RSU1: variants seen among roughly 807,000 people sequenced by gnomAD.
The protein encoded by RSU1 is Ras suppressor protein 1.
In RSU1, 26 loss-of-function variants were observed where a neutral mutation model predicts 31.1. That is an observed-to-expected ratio of 0.84 (90% confidence interval 0.61 to 1.16). RSU1 has a LOEUF of 1.16. Ranked by LOEUF, RSU1 falls within the 50% of genes most tolerant of loss-of-function variation. The pLI is 0.00. For synonymous variants in RSU1, 164 were observed against 136.3 expected, an observed-to-expected ratio of 1.20 and a Z score of -1.41; for missense variants, 320 against 339.1, an observed-to-expected ratio of 0.94 and a Z score of 0.44.
At chr10:16,705,999 A>T (rs1205984180) in intron 7 of RSU1, among the ~76,000 whole-genome samples, 1 of 152,182 alleles carries the variant, frequency 6.6e-6, no homozygotes, top group African/African-American at 2.4e-5. Context: ...GTGGATACGA[A>T]GGGCCAAATG....
intron 8 of RSU1, among the ~76,000 whole-genome samples, chr10:16,614,258 A>G (rs1470052649): frequency 1.3e-5 from 2 of 152,234 alleles, no homozygotes; most frequent in Non-Finnish European, 2.9e-5. Flanking sequence ...TAGATGTTAA[A>G]TCAAGAACCA....
intron 8 of RSU1, among the ~76,000 whole-genome samples, chr10:16,630,028 G>A (rs1217350042): frequency 6.6e-6 from 1 of 151,998 alleles, no homozygotes; most frequent in Non-Finnish European, 1.5e-5. Context: ...CCCCAAAAAA[G>A]TATTTATGGA....
chr10:16,714,233 C>G (rs189050814), intron 7 of RSU1, among the ~76,000 whole-genome samples: 1 of 152,194 alleles, frequency 6.6e-6, no homozygotes, highest in Admixed American at 6.5e-5. Flanking sequence ...TGGTCTGATG[C>G]TGTGCCAGCT....
At chr10:16,799,947 C>T (rs1000554925) in intron 2 of RSU1, among the ~76,000 whole-genome samples, 15 of 152,118 alleles carry the variant, frequency 9.9e-5, no homozygotes, top group Non-Finnish European at 4.4e-5. Flanking sequence ...TTTCCCTTTT[C>T]CCGATGCCTT....
At chr10:16,756,797 TTGTG>T (rs1284422094) in intron 4 of RSU1, among the ~76,000 whole-genome samples, 1 of 151,884 alleles carries the variant, frequency 6.6e-6, no homozygotes, top group African/African-American at 2.4e-5. Flanking sequence ...CAAGGGTCAA[TTGTG>T]TGTGAGTGTG....
At chr10:16,683,411 TA>T (rs1352953819) in intron 8 of RSU1, among the ~76,000 whole-genome samples, 2 of 152,126 alleles carry the variant, frequency 1.3e-5, no homozygotes, top group African/African-American at 2.4e-5. Context: ...TTCATGGTAT[TA>T]AAAAATAGCC....
intron 4 of RSU1, among the ~76,000 whole-genome samples, chr10:16,761,084 TCACAGG>T (rs1837203512): frequency 1.3e-5 from 2 of 152,066 alleles, no homozygotes; most frequent in Non-Finnish European, 2.9e-5. Flanking sequence ...GTAGCTGCGA[TCACAGG>T]CACGTGCCAC....
chr10:16,784,258 T>G (rs1338879533), intron 2 of RSU1, among the ~76,000 whole-genome samples: 3 of 152,062 alleles, frequency 2.0e-5, no homozygotes, highest in Non-Finnish European at 4.4e-5. Flanking sequence ...ATTTAAATGT[T>G]TTTTTGTTTT....
In RSU1 at chr10:16,749,169, A is replaced by G. The variant is rs192943261; in HGVS notation, c.598+3370T>C. ...ATTTCTTATAGGTATATAGACTAAT[A>G]TGAAAGCAAGTGCTTTACTACTTAA... On this transcript the variant is annotated intron_variant, in intron 7 of 8. Coordinates refer to ENST00000345264, the MANE Select transcript of RSU1 (RefSeq NM_012425.4). Among the ~76,000 whole-genome samples the G allele has an allele frequency of 1.8e-4, 28 of 152,376 alleles. 1 individual carries two copies. In the East Asian group the frequency reaches 5.0e-3, roughly 27 times the overall value.
intron 7 of RSU1, among the ~76,000 whole-genome samples, chr10:16,724,623 G>T (rs1476710422): frequency 6.6e-6 from 1 of 152,212 alleles, no homozygotes; most frequent in Non-Finnish European, 1.5e-5. Context: ...AGGAGCAGAA[G>T]GGGGAATCAC....
chr10:16,696,771 T>C (rs1259094930), intron 7 of RSU1, among the ~76,000 whole-genome samples: 1 of 152,046 alleles, frequency 6.6e-6, no homozygotes, highest in East Asian at 1.9e-4. Flanking sequence ...AACCCAGGGG[T>C]GGTATGCATT....
intron 8 of RSU1, among the ~76,000 whole-genome samples, chr10:16,691,722 CTTTTTTTTTT>C (rs58786188): frequency 8.5e-5 from 9 of 106,042 alleles, no homozygotes; most frequent in South Asian, 3.4e-4. Flanking sequence ...GCTGCTGCTT[CTTTTTTTTTT>C]TTTTTTTTTT....
At chr10:16,605,511 T>G (rs541021387) in intron 8 of RSU1, among the ~76,000 whole-genome samples, 38 of 152,328 alleles carry the variant, frequency 2.5e-4, no homozygotes, top group Non-Finnish European at 4.7e-4. Flanking sequence ...AGACAGGGAC[T>G]AGGCCAACAT....
intron 8 of RSU1, among the ~76,000 whole-genome samples, chr10:16,660,067 T>C (rs1052172183): frequency 1.3e-5 from 2 of 152,216 alleles, no homozygotes; most frequent in African/African-American, 4.8e-5. Context: ...AAGATAGAGA[T>C]AGTGTCTCTC....
At chr10:16,808,485 G>GAAAAAAAAAAAAAAAAAAA (rs34449677) in intron 2 of RSU1, among the ~76,000 whole-genome samples, 1 of 89,616 alleles carries the variant, frequency 1.1e-5, no homozygotes, top group Non-Finnish European at 2.3e-5. Flanking sequence ...CTCCATTTAA[G>GAAAAAAAAAAAAAAAAAAA]AAAAAAAAAA....
At chr10:16,668,388 A>G (rs1835039628) in intron 8 of RSU1, among the ~76,000 whole-genome samples, 1 of 152,194 alleles carries the variant, frequency 6.6e-6, no homozygotes, top group Non-Finnish European at 1.5e-5. Flanking sequence ...GACACGTTTC[A>G]GGCAGAGGGA....
At position 16,730,055 on chromosome 10, in the gene RSU1, C is replaced by T. The variant is rs1313423831; in HGVS notation, c.598+22484G>A. ...TGCTTCTTGTGAGGGCTTCAGGAAGCTTCCGCTCAAGGCAGAAGGGGAAGG... is the reference window on the plus strand; with the variant it reads ...TGCTTCTTGTGAGGGCTTCAGGAAGTTTCCGCTCAAGGCAGAAGGGGAAGG... On this transcript the variant is annotated intron_variant, in intron 7 of 8. Coordinates refer to ENST00000345264, the MANE Select transcript of RSU1 (RefSeq NM_012425.4). Among the ~76,000 whole-genome samples the T allele has an allele frequency of 3.3e-5, 5 of 152,152 alleles. No homozygotes were observed. The East Asian group carries it at 9.6e-4, about 29-fold the overall frequency.
chr10:16,677,502 A>C (rs897630772), intron 8 of RSU1, among the ~76,000 whole-genome samples: 8 of 152,144 alleles, frequency 5.3e-5, no homozygotes, highest in Non-Finnish European at 1.2e-4. Flanking sequence ...TTTTCTAGTA[A>C]AAGCCACTCA....
intron 2 of RSU1, among the ~76,000 whole-genome samples, chr10:16,814,606 C>A (rs1225129392): frequency 4.6e-5 from 7 of 152,116 alleles, no homozygotes; most frequent in African/African-American, 1.7e-4. Flanking sequence ...CATCCTGGAA[C>A]CCCCTAGGCT....
Sources: allele counts gnomAD v4.1 joint callset (sites outside exome capture counted in the v4.1 genomes callset), GRCh38; gene constraint gnomAD v4.1.1; transcripts MANE v1.5; gene names NCBI Gene and HGNC (gene_info 2026-07-23, HGNC 2026-07-21).